Variants in HERC2 observed in about 807,000 individuals in gnomAD.
HERC2 encodes E3 ubiquitin-protein ligase HERC2.
In HERC2, 102 loss-of-function variants were observed where a neutral mutation model predicts 537.7. The observed-to-expected ratio is 0.19, with a 90% CI of 0.16 to 0.22. The LOEUF is 0.22. Among genes scored for constraint, HERC2 ranks in the 10% least tolerant of loss-of-function variants. The pLI is 1.00. For missense variants in HERC2, 4,236 were observed against 6,198.2 expected (o/e 0.68, Z 10.63); for synonymous variants, 2,224 against 2,466.2 (o/e 0.90, Z 2.91).
rs1382072210 is a variant in HERC2, at chr15:28,212,589, G to A, written c.6787-6C>T. 5.6e-6 allele frequency: 9 copies of A among 1,607,252 alleles called. No homozygotes were observed. The highest frequency in any genetic ancestry group is 1.3e-5 in the African/African-American group (1 of 74,682). On this transcript the variant is annotated splice_polypyrimidine_tract_variant and splice_region_variant and intron_variant, in intron 42 of 92. Transcript: ENST00000261609. Reference sequence around the variant, plus strand: ...TTAAAGGCCACGGCAGGGAGCTGGAGAGGACACAGAAGCTGTCAGAGTGTG... The same window carrying A: ...TTAAAGGCCACGGCAGGGAGCTGGAAAGGACACAGAAGCTGTCAGAGTGTG...
At chr15:28,165,585 A>C (rs1417703063) in intron 68 of HERC2, among the ~76,000 whole-genome samples, 2 of 151,978 alleles carry the variant, frequency 1.3e-5, no homozygotes, top group African/African-American at 4.8e-5. Context: ...TGAGCCCAGG[A>C]GTTCAAGACC....
At chr15:28,217,819 C>T (rs1900094970) in intron 38 of HERC2, among the ~76,000 whole-genome samples, 1 of 151,996 alleles carries the variant, frequency 6.6e-6, no homozygotes, top group Admixed American at 6.5e-5. Flanking sequence ...CAGAGACTGG[C>T]ACAATGCGTC....
At position 28,163,579 on chromosome 15, in the gene HERC2, T is replaced by C. The variant is rs989111505; in HGVS notation, c.10555-294A>G. ...TATTACTGGGACCAAGTTTGGATCA[T>C]AAGCAGATACTACAGGGGGAGTTTT... On this transcript the variant is annotated intron_variant, in intron 68 of 92. Coordinates refer to ENST00000261609, the MANE Select transcript of HERC2 (RefSeq NM_004667.6). Among the ~76,000 whole-genome samples the C allele has an allele frequency of 2.0e-5, 3 of 152,310 alleles. No homozygotes were observed. The East Asian group carries it at 5.8e-4, about 29-fold the overall frequency.
chr15:28,160,779 G>C (rs1893517155), intron 69 of HERC2, among the ~76,000 whole-genome samples: 1 of 152,190 alleles, frequency 6.6e-6, no homozygotes, highest in East Asian at 1.9e-4. Context: ...AGATGAACCT[G>C]GTATCTCAGT....
At chr15:28,217,890 T>G (rs1296222442) in intron 38 of HERC2, among the ~76,000 whole-genome samples, 1 of 151,870 alleles carries the variant, frequency 6.6e-6, no homozygotes, top group Non-Finnish European at 1.5e-5. Context: ...GACCTTCCCC[T>G]AGAGCCTGTG....
rs558661133 is a variant in HERC2, at chr15:28,229,073, CAAGTACA to C, written c.5272+115_5272+121del. 205 of 935,564 alleles carry C rather than the reference CAAGTACA, an allele frequency of 2.2e-4. 2 individuals are homozygous for C. In the African/African-American group the frequency reaches 2.6e-3, roughly 12 times the overall value. 58.0% of individuals were successfully genotyped at this position (935,564 alleles called of 1,614,324 possible). On this transcript the variant is annotated intron_variant, in intron 34 of 92. Coordinates refer to ENST00000261609, the MANE Select transcript of HERC2 (RefSeq NM_004667.6). The stretch of plus-strand genomic sequence containing the variant: ...AAAGCTGACAGCAGCATAGATTATA[CAAGTACA>C]AAGTACAAACTTTAATTAAAATCTT...
chr15:28,274,310 G>T lies in HERC2; in HGVS notation c.781C>A (p.Leu261Ile), dbSNP rs1182852068. Reference sequence around the variant, plus strand: ...ACTCACCCCGTCACGACGGACCTGAGGAACCTGGTCGCTCTCTCCACCACC... The same window carrying T: ...ACTCACCCCGTCACGACGGACCTGATGAACCTGGTCGCTCTCTCCACCACC... ...LEVVERATRF[L>I]RSVVTGDVHG... Residue 261 changes from leucine (L) to isoleucine (I), a missense_variant, in exon 7 of 93, where the codon CTC (leucine) becomes ATC (isoleucine). By Grantham distance (5) the Leu-to-Ile change is conservative. Around this residue, in one of 27 missense-constraint regions of HERC2, gnomAD observed 491 missense variants for 559.3 expected, o/e 0.88. Coordinates refer to ENST00000261609, the MANE Select transcript of HERC2 (RefSeq NM_004667.6). The T allele has an allele frequency of 3.1e-6, 5 of 1,614,230 alleles. No homozygotes were observed. Among genetic ancestry groups the T allele is most frequent in the Middle Eastern group, 1.6e-4 (1 of 6,062 alleles).
chr15:28,267,213 G>A (rs2075592981), intron 12 of HERC2, among the ~76,000 whole-genome samples: 2 of 152,078 alleles, frequency 1.3e-5, no homozygotes, highest in South Asian at 2.1e-4. Context: ...GTGCTCACAG[G>A]GACAGCCCAA....
intron 68 of HERC2, among the ~76,000 whole-genome samples, chr15:28,166,707 G>A (rs770041046): frequency 6.6e-6 from 1 of 151,616 alleles, no homozygotes. Context: ...CCAATGACCA[G>A]TCCACGGGAG....
At chr15:28,225,757 G>GT (rs1244896532) in intron 35 of HERC2, among the ~76,000 whole-genome samples, 4 of 149,088 alleles carry the variant, frequency 2.7e-5, no homozygotes, top group Non-Finnish European at 5.9e-5. Context: ...CATCAGAAAT[G>GT]TAAGTGGAGA....
At chr15:28,112,087 C>T in intron 92 of HERC2, 52 bp from the exon 93 acceptor site, 4 of 1,547,552 alleles carry the variant, frequency 2.6e-6, no homozygotes, top group Non-Finnish European at 3.6e-6. Flanking sequence ...CTGCAGTTTA[C>T]TTTACTGTGC....
Position 28,132,086 on chromosome 15 carries a change from A to G in HERC2, c.12570+14T>C, listed in dbSNP as rs755253597. ...AGCTGGGAGAGCACTGGGCAGGGAA[A>G]GAATGGGAAATACCTTCATAGGCAC... is the stretch of plus-strand genomic sequence containing the variant. On this transcript the variant is annotated intron_variant, in intron 81 of 92. Coordinates refer to ENST00000261609, the MANE Select transcript of HERC2 (RefSeq NM_004667.6). The G allele has an allele frequency of 6.3e-7, 1 of 1,580,022 alleles. No individual in the cohort carries two copies. Among genetic ancestry groups the G allele is most frequent in the Non-Finnish European group, 8.6e-7 (1 of 1,157,086 alleles).
chr15:28,276,199 A>AAAAAC (rs2075868943), intron 5 of HERC2, among the ~76,000 whole-genome samples: 1 of 146,860 alleles, frequency 6.8e-6, no homozygotes, highest in African/African-American at 2.6e-5. Flanking sequence ...AAACAAAAAA[A>AAAAAC]AAAAAAAAAA....
At position 28,113,725 on chromosome 15, in the gene HERC2, C is replaced by A; in HGVS notation, c.13914-47G>T. 1.4e-6 allele frequency: 2 copies of A among 1,474,852 alleles called. No homozygotes were observed. The highest frequency in any genetic ancestry group is 1.2e-5 in the South Asian group (1 of 86,484). 91.4% of individuals were successfully genotyped at this position (1,474,852 alleles called of 1,614,324 possible). A position where few individuals can be genotyped will look rare whatever the true frequency, so the allele number is the denominator to read the frequency against. ...ACACTTCTGTCTTCAGTGACACTGA[C>A]TTTATGCTGCTCACACCAAGCCTTG... On this transcript the variant is annotated intron_variant, in intron 90 of 92. Transcript: ENST00000261609. This position sits in a 1 kb window ranked among gnomAD's most constrained non-coding sequence, Gnocchi z 7.0.
In HERC2 at chr15:28,176,281, C is replaced by T; in HGVS notation, c.9686+147G>A. 1 of 653,666 alleles carries T rather than the reference C, an allele frequency of 1.5e-6. No homozygotes were observed. Among genetic ancestry groups the T allele is most frequent in the Non-Finnish European group, 2.6e-6 (1 of 382,866 alleles). 40.5% of individuals were successfully genotyped at this position (653,666 alleles called of 1,614,324 possible). On this transcript the variant is annotated intron_variant, in intron 63 of 92. Transcript: ENST00000261609. This position sits in a 1 kb window ranked among gnomAD's most constrained non-coding sequence, Gnocchi z 5.0. ...CTTGTACTATTGTCACTAATCCCAA[C>T]TCAATATCCTTTAAAGGACAAAGAT...
intron 69 of HERC2, among the ~76,000 whole-genome samples, chr15:28,153,642 C>G (rs539888144): frequency 6.6e-6 from 1 of 152,160 alleles, no homozygotes; most frequent in South Asian, 2.1e-4. Context: ...CAGAGAGAGA[C>G]TCTGTCTCGA....
chr15:28,169,351 A>G (rs1894466396), intron 66 of HERC2, 133 bp downstream of exon 66: 1 of 603,544 alleles, frequency 1.7e-6, no homozygotes, highest in African/African-American at 1.9e-5. Context: ...AGAACTTGTG[A>G]CTTACAACAT....
intron 78 of HERC2, among the ~76,000 whole-genome samples, chr15:28,136,959 T>C (rs1890706668): frequency 6.6e-6 from 1 of 151,122 alleles, no homozygotes; most frequent in South Asian, 2.1e-4. Flanking sequence ...CAAATGATGG[T>C]AAGAAATGAT....
At position 28,220,519 on chromosome 15, in the gene HERC2, G is replaced by T; in HGVS notation, c.5778C>A (p.Leu1926=). The T allele has an allele frequency of 6.2e-7, 1 of 1,602,536 alleles. No homozygotes were observed. Among genetic ancestry groups the T allele is most frequent in the Non-Finnish European group, 8.5e-7 (1 of 1,179,812 alleles). The change falls in exon 37 of 93, where the codon CTC becomes CTA. Residue 1926 remains leucine (L), a synonymous_variant. Coordinates refer to ENST00000261609, the MANE Select transcript of HERC2 (RefSeq NM_004667.6). The part of the protein sequence containing the change: ...YRMGKEGKYD[L]KLAELPAAAQ... ...CAGCAGCCGGCAGCTCTGCCAGCTT[G>T]AGGTCGTATTTTCCTTCTTTCCCCA...
Sources: allele counts gnomAD v4.1 joint callset (sites outside exome capture counted in the v4.1 genomes callset), GRCh38; gene constraint gnomAD v4.1.1; regional missense constraint gnomAD v4.1.1; non-coding constraint Gnocchi (gnomAD v3.1); transcripts MANE v1.5; gene names NCBI Gene and HGNC (gene_info 2026-07-23, HGNC 2026-07-21).